The following TENM4 variants were observed in gnomAD, a reference collection of about 807,000 sequenced individuals.
TENM4 encodes teneurin-4.
A neutral mutation model predicts 243.3 loss-of-function variants in TENM4; 82 were observed. The observed-to-expected ratio is 0.34, with a 90% CI of 0.28 to 0.40. The LOEUF is 0.40. Among genes scored for constraint, TENM4 ranks in the 10% least tolerant of loss-of-function variants. The pLI is 1.00. For missense variants in TENM4, 3,138 were observed against 3,673.3 expected (o/e 0.85, Z 3.77); for synonymous variants, 1,412 against 1,456.3 (o/e 0.97, Z 0.69).
At chr11:79,123,640 T>C (rs1449523929) in intron 4 of TENM4, among the ~76,000 whole-genome samples, 1 of 148,920 alleles carries the variant, frequency 6.7e-6, no homozygotes, top group African/African-American at 2.5e-5. Context: ...GAGCACTCAC[T>C]GGGGGACAGA....
intron 6 of TENM4, among the ~76,000 whole-genome samples, chr11:79,039,336 G>T (rs1242848419): frequency 6.6e-6 from 1 of 152,180 alleles, no homozygotes; most frequent in Non-Finnish European, 1.5e-5. Flanking sequence ...ACCAACAGAG[G>T]ACAAATCCCA....
At chr11:78,668,173 GT>G (rs1858207613) in intron 32 of TENM4, among the ~76,000 whole-genome samples, 1 of 152,084 alleles carries the variant, frequency 6.6e-6, no homozygotes, top group South Asian at 2.1e-4. Flanking sequence ...AGTTTCTATT[GT>G]TGCATGTGTT....
At chr11:79,138,439 ATT>A (rs1862163793) in intron 4 of TENM4, among the ~76,000 whole-genome samples, 1 of 115,704 alleles carries the variant, frequency 8.6e-6, no homozygotes, top group Non-Finnish European at 1.6e-5. Context: ...ATAAATATAT[ATT>A]ATATTTATAT....
intron 1 of TENM4, among the ~76,000 whole-genome samples, chr11:79,418,069 C>T (rs774564979): frequency 1.3e-5 from 2 of 152,184 alleles, no homozygotes; most frequent in African/African-American, 2.4e-5. Context: ...TCGCACTAGA[C>T]TAGTACTGCC....
At chr11:79,419,734 T>C (rs1042674514) in intron 1 of TENM4, among the ~76,000 whole-genome samples, 1 of 152,044 alleles carries the variant, frequency 6.6e-6, no homozygotes, top group South Asian at 2.1e-4. Flanking sequence ...TGCTACACAG[T>C]AGGGGTGCAA....
intron 3 of TENM4, among the ~76,000 whole-genome samples, chr11:79,213,976 T>C (rs1350974502): frequency 6.7e-6 from 1 of 150,214 alleles, no homozygotes; most frequent in African/African-American, 2.5e-5. Flanking sequence ...CCTGTCCTTC[T>C]AAAGAAAGCA....
intron 6 of TENM4, among the ~76,000 whole-genome samples, chr11:78,987,975 A>C (rs1045310606): frequency 6.6e-6 from 1 of 152,194 alleles, no homozygotes; most frequent in African/African-American, 2.4e-5. Context: ...ACTCTCATGT[A>C]AGGTGTAGCC....
intron 28 of TENM4, among the ~76,000 whole-genome samples, chr11:78,692,052 G>A (rs1231456682): frequency 6.6e-6 from 1 of 152,146 alleles, no homozygotes; most frequent in Non-Finnish European, 1.5e-5. Context: ...CCACAACAAA[G>A]AGCAGGGACC....
chr11:78,926,806 T>C (rs948410899), intron 6 of TENM4, among the ~76,000 whole-genome samples: 1 of 152,148 alleles, frequency 6.6e-6, no homozygotes, highest in African/African-American at 2.4e-5. Flanking sequence ...GATAACTTGT[T>C]TTCTAATGTG....
At chr11:79,232,822 C>T (rs146716621) in intron 2 of TENM4, among the ~76,000 whole-genome samples, 1 of 152,206 alleles carries the variant, frequency 6.6e-6, no homozygotes, top group Non-Finnish European at 1.5e-5. Flanking sequence ...GAGGTTGGAA[C>T]CTGGGCAAAA....
chr11:79,235,871 C>CT lies in TENM4; in HGVS notation c.-264-19963dup, dbSNP rs895885345. 3.6e-4 allele frequency among the ~76,000 whole-genome samples: 53 copies of CT among 148,040 alleles called. No homozygotes were observed. In the East Asian group the frequency reaches 6.7e-3, roughly 19 times the overall value. ...ATCTGAACTCTGGTAAGAATGAGGA[C>CT]TTTTTTTTTTAGCTGAACTTGTTTT... On this transcript the variant is annotated intron_variant, in intron 2 of 33. Coordinates refer to ENST00000278550, the MANE Select transcript of TENM4 (RefSeq NM_001098816.3).
chr11:78,729,508 G>A lies in TENM4; in HGVS notation c.3274C>T (p.His1092Tyr), dbSNP rs747922682. 7 of 1,613,796 alleles carry A rather than the reference G, an allele frequency of 4.3e-6. No homozygotes were observed. Among genetic ancestry groups the A allele is most frequent in the Non-Finnish European group, 5.9e-6 (7 of 1,179,870 alleles). The change falls in exon 22 of 34, where the codon CAC becomes TAC. Residue 1092 changes from histidine (H) to tyrosine (Y), a missense_variant. Transcript: ENST00000278550. ...CGGCCCTCCACCGCTACCATGAGGT[G>A]CACCTTCATGAGGTTGAAGGGGATG... ...PTIPFNLMKV[H>Y]LMVAVEGRLF... is the part of the protein sequence containing the mutation.
chr11:78,720,455 C>T (rs1330921846), intron 24 of TENM4, 65 bp from the exon 25 acceptor site: 37 of 1,572,420 alleles, frequency 2.4e-5, no homozygotes, highest in Admixed American at 3.3e-5. Flanking sequence ...GGGTTAGAAG[C>T]ATTATTAGCA....
At chr11:79,435,472 A>G (rs1859251479) in intron 1 of TENM4, among the ~76,000 whole-genome samples, 4 of 152,230 alleles carry the variant, frequency 2.6e-5, no homozygotes, top group African/African-American at 7.2e-5. Flanking sequence ...CCATGTAAGA[A>G]GGCAGGTAGA....
At chr11:79,376,798 C>T (rs1456949985) in intron 1 of TENM4, among the ~76,000 whole-genome samples, 1 of 152,182 alleles carries the variant, frequency 6.6e-6, no homozygotes, top group African/African-American at 2.4e-5. Flanking sequence ...CACTCAGCCC[C>T]TCCTCCTTCC....
intron 10 of TENM4, among the ~76,000 whole-genome samples, chr11:78,859,339 C>A (rs971176112): frequency 6.6e-6 from 1 of 152,174 alleles, no homozygotes; most frequent in Non-Finnish European, 1.5e-5. Flanking sequence ...ACAAACACTG[C>A]AAAAAGCTTA....
chr11:78,722,532 G>A (rs1016434289), intron 24 of TENM4, 136 bp downstream of exon 24: 1 of 1,212,190 alleles, frequency 8.2e-7, no homozygotes, highest in South Asian at 1.5e-5. Context: ...GAGCTGGGAG[G>A]TGAAAAGTCT....
intron 6 of TENM4, among the ~76,000 whole-genome samples, chr11:79,041,484 T>C (rs1859527583): frequency 9.7e-6 from 1 of 102,742 alleles, no homozygotes; most frequent in African/African-American, 3.6e-5. Context: ...CTTGGCACAT[T>C]GGAGGCACTC....
intron 1 of TENM4, among the ~76,000 whole-genome samples, chr11:79,375,773 G>A (rs937081075): frequency 6.6e-6 from 1 of 152,152 alleles, no homozygotes; most frequent in Admixed American, 6.5e-5. Context: ...GAGACCTGAA[G>A]GCCATAGGAT....
Sources: allele counts gnomAD v4.1 joint callset (sites outside exome capture counted in the v4.1 genomes callset), GRCh38; gene constraint gnomAD v4.1.1; transcripts MANE v1.5; gene names NCBI Gene and HGNC (gene_info 2026-07-23, HGNC 2026-07-21).